The following MAGI2 variants were observed in gnomAD, a reference collection of about 807,000 sequenced individuals.
The protein encoded by MAGI2 is membrane associated guanylate kinase, WW and PDZ domain containing 2, also known as membrane-associated guanylate kinase, WW and PDZ domain-containing protein 2.
Under a neutral mutation model 133.3 loss-of-function variants are expected in MAGI2, and 35 were observed. The ratio of observed to expected loss-of-function variants is 0.26; its 90% confidence interval spans 0.20 to 0.35. The LOEUF (loss-of-function observed/expected upper bound fraction) is 0.35, where lower values mean the gene tolerates loss of function less well. Ranked by LOEUF, MAGI2 falls within the 10% of genes least tolerant of loss-of-function variation. The pLI, the probability that MAGI2 is intolerant of heterozygous loss-of-function variation, is 1.00. For synonymous variants in MAGI2, 729 were observed against 710.6 expected, an observed-to-expected ratio of 1.03 and a Z score of -0.41; for missense variants, 1,636 against 1,863.4, an observed-to-expected ratio of 0.88 and a Z score of 2.25.
chr7:78,118,930 G>A (rs2150490281), intron 20 of MAGI2, among the ~76,000 whole-genome samples: 1 of 152,260 alleles, frequency 6.6e-6, no homozygotes, highest in South Asian at 2.1e-4. Context: ...ATTCATAATT[G>A]CCAAAATCAG....
At chr7:79,156,458 A>G (rs1388881987) in intron 1 of MAGI2, among the ~76,000 whole-genome samples, 6 of 152,160 alleles carry the variant, frequency 3.9e-5, no homozygotes, top group African/African-American at 1.4e-4. Context: ...CTCTAAGGGC[A>G]GCCACTAGAA....
chr7:79,410,222 T>C (rs545958645), intron 1 of MAGI2: 1 of 152,246 alleles, frequency 6.6e-6, no homozygotes, highest in East Asian at 1.9e-4. Context: ...TTAGAATGTA[T>C]TTATACTTAG....
chr7:78,437,676 A>G (rs924234264), intron 6 of MAGI2, among the ~76,000 whole-genome samples: 13 of 152,196 alleles, frequency 8.5e-5, no homozygotes, highest in African/African-American at 3.1e-4. Context: ...ACGTGACTAG[A>G]GCCCTAGGAA....
At chr7:78,891,300 C>G (rs28863478) in intron 2 of MAGI2, among the ~76,000 whole-genome samples, 1 of 152,140 alleles carries the variant, frequency 6.6e-6, no homozygotes, top group African/African-American at 2.4e-5. Flanking sequence ...ACCAAAGGTA[C>G]AAGGAGGAGC....
intron 3 of MAGI2, among the ~76,000 whole-genome samples, chr7:78,532,968 G>A (rs565333944): frequency 6.6e-6 from 1 of 150,430 alleles, no homozygotes; most frequent in South Asian, 2.1e-4. Flanking sequence ...TTGAGATGGA[G>A]TCTTGCTCTG....
chr7:78,853,332 CTTTTTTTTTTTTTTTTTTTTTT>C (rs60580466), intron 2 of MAGI2, among the ~76,000 whole-genome samples: 18 of 25,076 alleles, frequency 7.2e-4, no homozygotes, highest in East Asian at 1.3e-3. Context: ...TCCATTCGTT[CTTTTTTTTTTTTTTTTTTTTTT>C]TTTTTTTTTT....
chr7:78,501,484 C>CTTTTTTTTTTTTTT (rs554529806), intron 5 of MAGI2, 93 bp downstream of exon 5: 2 of 779,816 alleles, frequency 2.6e-6, no homozygotes. Flanking sequence ...ATGTTTTTTT[C>CTTTTTTTTTTTTTT]TTTTTTTTTT....
At chr7:78,211,593 T>C (rs1787773886) in intron 10 of MAGI2, among the ~76,000 whole-genome samples, 2 of 152,358 alleles carry the variant, frequency 1.3e-5, no homozygotes, top group African/African-American at 2.4e-5. Flanking sequence ...GATTCTTTTT[T>C]CTGGAACAAA....
chr7:78,048,560 TA>T (rs1439322658), intron 21 of MAGI2, among the ~76,000 whole-genome samples: 2 of 152,180 alleles, frequency 1.3e-5, no homozygotes, highest in African/African-American at 2.4e-5. Context: ...TATTTCTCAC[TA>T]CCCCCCTAAA....
intron 2 of MAGI2, among the ~76,000 whole-genome samples, chr7:78,796,790 T>A (rs561324195): frequency 1.4e-4 from 21 of 152,116 alleles, no homozygotes; most frequent in Non-Finnish European, 2.6e-4. Flanking sequence ...GGAATATTAC[T>A]CAGCCATAAA....
At chr7:78,616,751 G>A (rs567074531) in intron 3 of MAGI2, 8 of 152,216 alleles carry the variant, frequency 5.3e-5, no homozygotes, top group Non-Finnish European at 1.0e-4. Flanking sequence ...AGCCAAGAAA[G>A]TGGATATGCC....
chr7:78,388,323 T>C (rs1279345978), intron 6 of MAGI2, among the ~76,000 whole-genome samples: 2 of 152,110 alleles, frequency 1.3e-5, no homozygotes, highest in African/African-American at 4.8e-5. Flanking sequence ...TCGGTAGTGG[T>C]AGTAACCATA....
At chr7:79,077,287 G>T (rs1815551232) in intron 1 of MAGI2, among the ~76,000 whole-genome samples, 1 of 151,942 alleles carries the variant, frequency 6.6e-6, no homozygotes, top group Non-Finnish European at 1.5e-5. Flanking sequence ...GGCCGGCGCG[G>T]TGGCTCACGC....
intron 5 of MAGI2, 37 bp downstream of exon 5, chr7:78,501,540 C>A (rs1467613698): frequency 1.3e-6 from 2 of 1,558,616 alleles, no homozygotes; most frequent in East Asian, 2.2e-5. Context: ...CCGCTATGAC[C>A]TTTTTGGCAC....
chr7:79,008,009 C>G (rs999366456), intron 1 of MAGI2, among the ~76,000 whole-genome samples: 1 of 151,646 alleles, frequency 6.6e-6, no homozygotes, highest in African/African-American at 2.4e-5. Flanking sequence ...CTATCAAATA[C>G]TTATTTGATA....
chr7:78,688,511 GA>G (rs1816623177), intron 2 of MAGI2, among the ~76,000 whole-genome samples: 1 of 152,066 alleles, frequency 6.6e-6, no homozygotes, highest in African/African-American at 2.4e-5. Flanking sequence ...GCTTTTAAAA[GA>G]AAAAAAGAAA....
intron 1 of MAGI2, among the ~76,000 whole-genome samples, chr7:79,033,223 A>G (rs901410332): frequency 6.6e-6 from 1 of 152,196 alleles, no homozygotes; most frequent in African/African-American, 2.4e-5. Context: ...TCAGAAGGTG[A>G]TGGACCATAG....
chr7:79,263,824 T>C (rs1475594000), intron 1 of MAGI2, among the ~76,000 whole-genome samples: 2 of 152,204 alleles, frequency 1.3e-5, no homozygotes, highest in African/African-American at 4.8e-5. Context: ...AGTAGCCATA[T>C]GAGATGTAGG....
rs372489924 is a variant in MAGI2 at position 78,666,483 on chromosome 7, T to C, written c.419-39244A>G. ...ACCTGACAAAGTACCCCTTTGAAAG[T>C]TGTAGAGAACAAGTCTCAGCTAGAT... On this transcript the variant is annotated intron_variant, in intron 2 of 21. Coordinates refer to ENST00000354212, the MANE Select transcript of MAGI2 (RefSeq NM_012301.4). Among the ~76,000 whole-genome samples the C allele has an allele frequency of 2.0e-5, 3 of 152,112 alleles. 1 individual carries two copies. The highest frequency in any genetic ancestry group is 1.3e-4 in the Admixed American group (2 of 15,242).
Sources: allele counts gnomAD v4.1 joint callset (sites outside exome capture counted in the v4.1 genomes callset), GRCh38; gene constraint gnomAD v4.1.1; transcripts MANE v1.5; gene names NCBI Gene and HGNC (gene_info 2026-07-23, HGNC 2026-07-21).